ACTN2: variants seen among roughly 807,000 people sequenced by gnomAD.
ACTN2 encodes the protein alpha-actinin-2.
A neutral mutation model predicts 113.8 loss-of-function variants in ACTN2; 39 were observed. The observed-to-expected ratio is 0.34, with a 90% CI of 0.27 to 0.45. The LOEUF (loss-of-function observed/expected upper bound fraction) is 0.45, where lower values mean the gene tolerates loss of function less well. Ranked by LOEUF, ACTN2 falls within the 20% of genes least tolerant of loss-of-function variation. The pLI is 1.00. For missense variants in ACTN2, 992 were observed against 1,177.9 expected (o/e 0.84, Z 2.31); for synonymous variants, 429 against 444.1 (o/e 0.97, Z 0.43).
chr1:236,725,623 C>T (rs1483939750), intron 4 of ACTN2, among the ~76,000 whole-genome samples: 2 of 54,790 alleles, frequency 3.7e-5, no homozygotes, highest in Non-Finnish European at 8.6e-5. Context: ...TGAGACTGTG[C>T]CTCAAAAAAA....
At chr1:236,688,402 T>G (rs773371627) in intron 1 of ACTN2, among the ~76,000 whole-genome samples, 9 of 151,940 alleles carry the variant, frequency 5.9e-5, no homozygotes, top group Non-Finnish European at 1.2e-4. Flanking sequence ...TACAGTACAG[T>G]AGCAGGATAG....
intron 15 of ACTN2, among the ~76,000 whole-genome samples, chr1:236,752,621 G>A (rs926403995): frequency 3.3e-4 from 50 of 151,944 alleles, no homozygotes; most frequent in African/African-American, 1.2e-3. Flanking sequence ...GCAAAATCTC[G>A]GCTCATTGCA....
intron 19 of ACTN2, among the ~76,000 whole-genome samples, chr1:236,760,154 G>A (rs980438576): frequency 1.3e-5 from 2 of 152,036 alleles, no homozygotes; most frequent in Admixed American, 1.3e-4. Flanking sequence ...GTTGAGGCAG[G>A]AGAATGGCTT....
intron 19 of ACTN2, 119 bp downstream of exon 19, chr1:236,759,908 T>C (rs1659656315): frequency 2.3e-6 from 2 of 870,112 alleles, no homozygotes; most frequent in African/African-American, 1.7e-5. Flanking sequence ...GTTTTCATTA[T>C]ATAGGATAAT....
At chr1:236,695,563 T>TCCTCCCCC (rs1657467692) in intron 1 of ACTN2, among the ~76,000 whole-genome samples, 2 of 100,796 alleles carry the variant, frequency 2.0e-5, no homozygotes, top group East Asian at 2.7e-4. Flanking sequence ...TGAAATGAGT[T>TCCTCCCCC]CCCCCCCCCT....
intron 1 of ACTN2, among the ~76,000 whole-genome samples, chr1:236,694,213 TTC>T (rs1657394499): frequency 1.3e-5 from 2 of 151,652 alleles, no homozygotes; most frequent in Admixed American, 6.6e-5. Context: ...ATTTTTTTTT[TTC>T]TTTTCTTTTT....
intron 1 of ACTN2, among the ~76,000 whole-genome samples, chr1:236,688,257 C>T (rs576935606): frequency 5.3e-5 from 8 of 151,876 alleles, no homozygotes; most frequent in African/African-American, 1.4e-4. Flanking sequence ...AGATAACTCC[C>T]GGGTCTTTGT....
intron 1 of ACTN2, among the ~76,000 whole-genome samples, chr1:236,693,877 G>A (rs1657379531): frequency 6.6e-6 from 1 of 152,142 alleles, no homozygotes; most frequent in Non-Finnish European, 1.5e-5. Flanking sequence ...GAGAGTTCAA[G>A]CCTCTTATGG....
chr1:236,748,142 A>G (rs1370874266), intron 13 of ACTN2: 2 of 309,904 alleles, frequency 6.5e-6, no homozygotes, highest in African/African-American at 4.4e-5. Flanking sequence ...GATGGAACCA[A>G]GTGTTGAAGT....
At position 236,726,036 on chromosome 1, in the gene ACTN2, C is replaced by T. The variant is rs768385196; in HGVS notation, c.536+16C>T. 3 of 1,607,418 alleles carry T rather than the reference C, an allele frequency of 1.9e-6. No individual in the cohort carries two copies. Among genetic ancestry groups the T allele is most frequent in the East Asian group, 2.2e-5 (1 of 44,842 alleles). On this transcript the variant is annotated intron_variant, in intron 5 of 20. Coordinates refer to ENST00000366578, the MANE Select transcript of ACTN2 (RefSeq NM_001103.4). ...TCCATACTAGGTGAGCACCCAGGGC[C>T]CCTGGTCCTTGTATTCTCAGTGGAA...
chr1:236,721,015 G>GGTTTTTTTTTTTTTTTTT, intron 4 of ACTN2, among the ~76,000 whole-genome samples: 635 of 49,176 alleles, frequency 0.013, 270 homozygotes, highest in Middle Eastern at 0.056. Context: ...TCTGGTTTTT[G>GGTTTTTTTTTTTTTTTTT]TTTTTTGTTT....
chr1:236,709,344 G>GTATATATA (rs143270971), intron 1 of ACTN2, among the ~76,000 whole-genome samples: 10 of 133,890 alleles, frequency 7.5e-5, no homozygotes, highest in African/African-American at 2.6e-4. Context: ...ATATATACGT[G>GTATATATA]TATATATATA....
intron 1 of ACTN2, among the ~76,000 whole-genome samples, chr1:236,701,920 C>A (rs183691470): frequency 6.6e-6 from 1 of 152,172 alleles, no homozygotes; most frequent in East Asian, 1.9e-4. Context: ...ACCATGGAGG[C>A]CTTTAAGAAC....
At chr1:236,709,767 C>T (rs1657971552) in intron 1 of ACTN2, among the ~76,000 whole-genome samples, 1 of 152,222 alleles carries the variant, frequency 6.6e-6, no homozygotes, top group Non-Finnish European at 1.5e-5. Flanking sequence ...CTGCTCACCC[C>T]TGAGTTTTCT....
intron 18 of ACTN2, among the ~76,000 whole-genome samples, chr1:236,757,906 A>G (rs1659595871): frequency 6.6e-6 from 1 of 152,226 alleles, no homozygotes; most frequent in Non-Finnish European, 1.5e-5. Flanking sequence ...GTTCTAAGTC[A>G]AAGTGTATTC....
intron 1 of ACTN2, among the ~76,000 whole-genome samples, chr1:236,713,261 C>G (rs1658098835): frequency 6.7e-6 from 1 of 149,372 alleles, no homozygotes; most frequent in Non-Finnish European, 1.5e-5. Flanking sequence ...GAGTTTCACT[C>G]CTGTTTCCCA....
chr1:236,689,338 T>TATATATAC (rs1439126100), intron 1 of ACTN2, among the ~76,000 whole-genome samples: 23 of 41,190 alleles, frequency 5.6e-4, no homozygotes, highest in Admixed American at 9.6e-4. Flanking sequence ...TATATATATA[T>TATATATAC]ACACACACAT....
intron 1 of ACTN2, among the ~76,000 whole-genome samples, chr1:236,709,310 A>G (rs913056258): frequency 1.4e-5 from 2 of 141,158 alleles, no homozygotes; most frequent in Non-Finnish European, 3.0e-5. Context: ...ATATATACGT[A>G]TATATGTATA....
intron 11 of ACTN2, among the ~76,000 whole-genome samples, chr1:236,743,599 CTAAA>C (rs1234407346): frequency 6.7e-6 from 1 of 148,544 alleles, no homozygotes; most frequent in Non-Finnish European, 1.5e-5. Flanking sequence ...GTCTCCTGGA[CTAAA>C]TAGTCCTTCT....
Sources: allele counts gnomAD v4.1 joint callset (sites outside exome capture counted in the v4.1 genomes callset), GRCh38; gene constraint gnomAD v4.1.1; transcripts MANE v1.5; gene names NCBI Gene and HGNC (gene_info 2026-07-23, HGNC 2026-07-21).